The following TRAK1 variants were observed in gnomAD, a reference collection of about 807,000 sequenced individuals.
The protein encoded by TRAK1 is trafficking kinesin-binding protein 1.
In TRAK1, 33 loss-of-function variants were observed where a neutral mutation model predicts 92.1. The ratio of observed to expected loss-of-function variants is 0.36; its 90% CI spans 0.27 to 0.48. TRAK1 has a LOEUF of 0.48. TRAK1 is among the 20% of genes least tolerant of loss of function. TRAK1 has a pLI of 0.99. For synonymous variants in TRAK1, 521 were observed against 517.3 expected, an observed-to-expected ratio of 1.01 and a Z score of -0.10; for missense variants, 1,123 against 1,257.9, an observed-to-expected ratio of 0.89 and a Z score of 1.62.
intron 13 of TRAK1, among the ~76,000 whole-genome samples, chr3:42,205,981 G>A (rs1577009956): frequency 6.6e-6 from 1 of 152,182 alleles, no homozygotes; most frequent in Non-Finnish European, 1.5e-5. Flanking sequence ...GTGGGTGGGA[G>A]GAGTGAGCAG....
intron 1 of TRAK1, chr3:42,051,143 A>G: frequency 6.6e-6 from 1 of 152,334 alleles, no homozygotes; most frequent in African/African-American, 2.4e-5. Flanking sequence ...TGCAGGGATT[A>G]TGGGCTTGAG....
intron 2 of TRAK1, among the ~76,000 whole-genome samples, chr3:42,135,612 T>C (rs1264066781): frequency 6.6e-6 from 1 of 152,160 alleles, no homozygotes; most frequent in African/African-American, 2.4e-5. Context: ...TCATCCAGGG[T>C]ATTTCCCACT....
At position 42,223,432 on chromosome 3, in the gene TRAK1, G is replaced by A. The variant is rs767383579; in HGVS notation, c.2557G>A (p.Ala853Thr). The change falls in exon 16 of 16, where the codon GCC (alanine) becomes ACC (threonine). Residue 853 changes from alanine to threonine, a missense_variant. Physicochemically the swap from Ala to Thr is moderately conservative, Grantham distance 58. Around this residue, in one of 3 missense-constraint regions of TRAK1, gnomAD observed 401 missense variants for 438.9 expected, o/e 0.91. Transcript: ENST00000327628. This position sits in a 1 kb window ranked among gnomAD's most constrained non-coding sequence, Gnocchi z 6.1. The part of the protein sequence containing the change: ...LVDKVRRFGV[A>T]KVVNSGRAHV... ...GGACAAAGTCAGGAGGTTTGGGGTGGCCAAAGTGGTGAACTCAGGGCGAGC... is the reference window on the plus strand; with the variant it reads ...GGACAAAGTCAGGAGGTTTGGGGTGACCAAAGTGGTGAACTCAGGGCGAGC... 1 of 1,614,048 alleles carries A rather than the reference G, an allele frequency of 6.2e-7. No homozygotes were observed. Among genetic ancestry groups the A allele is most frequent in the Non-Finnish European group, 8.5e-7 (1 of 1,180,008 alleles).
intron 1 of TRAK1, among the ~76,000 whole-genome samples, chr3:42,119,672 A>G (rs1474909483): frequency 6.6e-6 from 1 of 152,232 alleles, no homozygotes. Context: ...CAACTCTGCA[A>G]CTGGACAGAC....
intron 2 of TRAK1, among the ~76,000 whole-genome samples, chr3:42,142,674 C>T (rs1487916791): frequency 6.6e-6 from 1 of 152,258 alleles, no homozygotes; most frequent in Non-Finnish European, 1.5e-5. Flanking sequence ...ACATCCACCT[C>T]TGCTGCTTCC....
At chr3:42,203,575 A>C in intron 13 of TRAK1, 1 of 983,000 alleles carries the variant, frequency 1.0e-6, no homozygotes, top group Non-Finnish European at 1.2e-6. Context: ...AAGAGCCACC[A>C]AGTGCTTATA....
chr3:42,211,698 A>C (rs1709054346), intron 14 of TRAK1: 1 of 985,206 alleles, frequency 1.0e-6, no homozygotes, highest in Non-Finnish European at 1.2e-6. Flanking sequence ...TTATCAAGTC[A>C]ACAAAGAACT....
intron 2 of TRAK1, among the ~76,000 whole-genome samples, chr3:42,147,258 T>G (rs1458267525): frequency 6.6e-6 from 1 of 152,158 alleles, no homozygotes; most frequent in Non-Finnish European, 1.5e-5. Context: ...AAAATGTATA[T>G]TCAAGTTGGG....
intron 2 of TRAK1, among the ~76,000 whole-genome samples, chr3:42,129,677 CGTACG>C (rs967169615): frequency 3.3e-5 from 5 of 152,174 alleles, no homozygotes; most frequent in Non-Finnish European, 7.3e-5. Context: ...GCATAGTCAA[CGTACG>C]GTACTTGCAG....
chr3:42,041,817 CGGAGTCTCG>C (rs1559717079), intron 1 of TRAK1, among the ~76,000 whole-genome samples: 11 of 146,174 alleles, frequency 7.5e-5, no homozygotes, highest in African/African-American at 2.3e-4. Context: ...CTTTTTGAGA[CGGAGTCTCG>C]CTCTGCCGCC....
At chr3:42,122,702 G>A (rs1710043886) in intron 1 of TRAK1, among the ~76,000 whole-genome samples, 1 of 152,164 alleles carries the variant, frequency 6.6e-6, no homozygotes, top group Admixed American at 6.5e-5. Flanking sequence ...CCCATCTTGA[G>A]CCTTTGGATG....
In TRAK1 at chr3:42,211,541, G is replaced by A. The variant is rs116074065; in HGVS notation, c.1963+1556G>A. The A allele has an allele frequency of 1.2e-3, 1,175 of 985,440 alleles. 17 individuals carry two copies. In the African/African-American group the frequency reaches 0.019, roughly 16 times the overall value. The allele number at this position is 985,440 out of a possible 1,614,324, so 61.0% of individuals were successfully genotyped here. A position where few individuals can be genotyped will look rare whatever the true frequency, so the allele number is the denominator to read the frequency against. On this transcript the variant is annotated intron_variant, in intron 14 of 15. Transcript: ENST00000327628. ...GTGGTGGTGCAGAAACATGATGCCT[G>A]GCTGATTTTCGTGGCTAAAGGGGTA...
At position 42,223,174 on chromosome 3, in the gene TRAK1, C is replaced by G; in HGVS notation, c.2299C>G (p.Leu767Val). The G allele has an allele frequency of 6.2e-7, 1 of 1,614,078 alleles. No homozygotes were observed. Among genetic ancestry groups the G allele is most frequent in the Non-Finnish European group, 8.5e-7 (1 of 1,180,006 alleles). The change falls in exon 16 of 16, where the codon CTC (leucine) becomes GTC (valine). Residue 767 changes from leucine to valine, a missense_variant. Physicochemically the swap from Leu to Val is conservative, Grantham distance 32 (BLOSUM62 1). Transcript: ENST00000327628. The surrounding 1 kb of genome is among the most constrained non-coding windows in gnomAD (Gnocchi z 6.1). ...QSWDRAGRGS[L>V]LHSYTPKMAV... is the part of the protein sequence containing the mutation. The stretch of plus-strand genomic sequence containing the variant: ...CTGGGACAGGGCCGGCCGGGGCTCC[C>G]TCCTGCACTCCTACACGCCCAAGAT...
intron 2 of TRAK1, among the ~76,000 whole-genome samples, chr3:42,156,510 A>G (rs1373465993): frequency 6.6e-6 from 1 of 152,222 alleles, no homozygotes; most frequent in Admixed American, 6.5e-5. Flanking sequence ...AAATAATAGT[A>G]GTCAAGGATT....
intron 2 of TRAK1, among the ~76,000 whole-genome samples, chr3:42,156,359 G>A (rs189306333): frequency 7.9e-5 from 12 of 152,328 alleles, no homozygotes; most frequent in Admixed American, 3.9e-4. Flanking sequence ...GAGGGATATC[G>A]TGAAGAGTGT....
At chr3:42,216,571 G>A (rs1467035657) in intron 14 of TRAK1, among the ~76,000 whole-genome samples, 1 of 152,208 alleles carries the variant, frequency 6.6e-6, no homozygotes, top group Non-Finnish European at 1.5e-5. Flanking sequence ...TGCATGTGGT[G>A]TGTTTTAAGA....
At chr3:42,162,985 C>T (rs1294987982) in intron 2 of TRAK1, among the ~76,000 whole-genome samples, 3 of 152,150 alleles carry the variant, frequency 2.0e-5, no homozygotes, top group Admixed American at 6.5e-5. Context: ...GTACTTGGCA[C>T]CATTTTCAGT....
intron 2 of TRAK1, chr3:42,146,386 C>T (rs1576613120): frequency 4.1e-6 from 1 of 243,104 alleles, no homozygotes; most frequent in South Asian, 6.9e-5. Context: ...TCATAGACAC[C>T]ATTGTCTCAT....
intron 2 of TRAK1, chr3:42,145,533 A>G (rs1383958900): frequency 1.3e-5 from 2 of 152,170 alleles, no homozygotes; most frequent in Admixed American, 1.3e-4. Flanking sequence ...GATCTTTGAT[A>G]TGATTTGTAA....
Sources: allele counts gnomAD v4.1 joint callset (sites outside exome capture counted in the v4.1 genomes callset), GRCh38; gene constraint gnomAD v4.1.1; regional missense constraint gnomAD v4.1.1; non-coding constraint Gnocchi (gnomAD v3.1); transcripts MANE v1.5; gene names NCBI Gene and HGNC (gene_info 2026-07-23, HGNC 2026-07-21).